CCDC80: variants seen among roughly 807,000 people sequenced by gnomAD.
The protein encoded by CCDC80 is coiled-coil domain-containing protein 80.
In CCDC80, 49 loss-of-function variants were observed where a neutral mutation model predicts 78.7. The observed-to-expected ratio is 0.62, with a 90% CI of 0.50 to 0.79. The LOEUF (loss-of-function observed/expected upper bound fraction) is 0.79, where lower values mean the gene tolerates loss of function less well. Ranked by LOEUF, CCDC80 falls within the 30% of genes least tolerant of loss-of-function variation. CCDC80 has a pLI of 0.00. For missense variants in CCDC80, 1,205 were observed against 1,198.6 expected (o/e 1.01, Z -0.08); for synonymous variants, 488 against 447.0 (o/e 1.09, Z -1.16).
In CCDC80 at chr3:112,601,551, G is replaced by A. The variant is rs1471476461; in HGVS notation, c.*3866C>T. ...AGCAAGGATGGCTGGGCATGGTGGA[G>A]CATGGCTGTGGTCCCAGCTAACTTG... is the stretch of plus-strand genomic sequence containing the variant. On this transcript the variant is annotated 3_prime_UTR_variant, in exon 8 of 8. Coordinates refer to ENST00000206423, the MANE Select transcript of CCDC80 (RefSeq NM_199511.3). The A allele has an allele frequency of 1.3e-5, 2 of 152,050 alleles. No homozygotes were observed. The highest frequency in any genetic ancestry group is 2.1e-4 in the South Asian group (1 of 4,830). 9.4% of individuals were successfully genotyped at this position (152,050 alleles called of 1,614,324 possible).
intron 7 of CCDC80, 85 bp downstream of exon 7, chr3:112,607,091 A>G: frequency 1.0e-6 from 1 of 982,814 alleles, no homozygotes; most frequent in Non-Finnish European, 1.6e-6. Context: ...CACCTTAGAG[A>G]TACACCCACT....
rs16859892 is a variant in CCDC80, at chr3:112,639,417, G to A, written c.489C>T (p.Tyr163=). The A allele has an allele frequency of 2.4e-3, 3,867 of 1,614,190 alleles. 77 individuals carry two copies. The African/African-American group carries it at 0.046, about 19-fold the overall frequency. ...TCAGCAGGCTCATCATGAGGCGGTAGTAGCCTTCCGAGGCATGAGGGGCTG... is the reference window on the plus strand; with the variant it reads ...TCAGCAGGCTCATCATGAGGCGGTAATAGCCTTCCGAGGCATGAGGGGCTG... ...VISAPHASEG[Y]YRLMMSLLKD... The change falls in exon 2 of 8, where the codon TAC becomes TAT. Residue 163 remains tyrosine, a synonymous_variant. Transcript: ENST00000206423.
In CCDC80 at chr3:112,636,315, T is replaced by TC. The variant is rs542405380; in HGVS notation, c.1878+1712_1878+1713insG. Among the ~76,000 whole-genome samples the TC allele has an allele frequency of 5.3e-3, 809 of 152,324 alleles. 2 individuals carry two copies. The highest frequency in any genetic ancestry group is 9.5e-3 in the Admixed American group (146 of 15,294). Reference sequence around the variant, plus strand: ...TAATGGGAACATTCCCATTTAAATATATGTACTCTGAGAATATCCAAGCGA... The same window carrying TC: ...TAATGGGAACATTCCCATTTAAATATCATGTACTCTGAGAATATCCAAGCGA... On this transcript the variant is annotated intron_variant, in intron 2 of 7. Coordinates refer to ENST00000206423, the MANE Select transcript of CCDC80 (RefSeq NM_199511.3).
chr3:112,637,055 G>A (rs772208032), intron 2 of CCDC80, among the ~76,000 whole-genome samples: 13 of 152,140 alleles, frequency 8.5e-5, no homozygotes, highest in Non-Finnish European at 1.6e-4. Flanking sequence ...ACTCCTGCCC[G>A]AAGCCCTCAT....
Position 112,605,732 on chromosome 3 carries a change from T to C in CCDC80, c.2538A>G (p.Pro846=). The C allele has an allele frequency of 6.2e-7, 1 of 1,614,166 alleles. No individual in the cohort carries two copies. Among genetic ancestry groups the C allele is most frequent in the Middle Eastern group, 1.6e-4 (1 of 6,062 alleles). Residue 846 remains proline (P), a synonymous_variant, in exon 8 of 8, where the codon CCA becomes CCG. Transcript: ENST00000206423. The stretch of plus-strand genomic sequence containing the variant: ...TACGAATGTCTTTCACCAAATGGGC[T>C]GGTACGTCTTCTCGCTCAACAACAG... The part of the protein sequence containing the change: ...GSSVVEREDV[P]AHLVKDIRNY...
chr3:112,639,036 C>A lies in CCDC80; in HGVS notation c.870G>T (p.Val290=). The part of the protein sequence containing the change: ...KCKASGVEGQ[V]VAEGNDGGGG... ...CTCCACCGTCATTCCCCTCCGCCAC[C>A]ACCTGGCCCTCTACACCAGAGGCCT... The change falls in exon 2 of 8, where the codon GTG becomes GTT. Residue 290 remains valine, a synonymous_variant. Transcript: ENST00000206423. 6.2e-7 allele frequency: 1 copy of A among 1,609,928 alleles called. No individual in the cohort carries two copies. The highest frequency in any genetic ancestry group is 8.5e-7 in the Non-Finnish European group (1 of 1,179,422).
rs1349327244 is a variant in CCDC80 at position 112,604,363 on chromosome 3, A to G, written c.*1054T>C. 6 of 152,220 alleles carry G rather than the reference A, an allele frequency of 3.9e-5. No homozygotes were observed. The highest frequency in any genetic ancestry group is 8.8e-5 in the Non-Finnish European group (6 of 68,038). 9.4% of individuals were successfully genotyped at this position (152,220 alleles called of 1,614,324 possible). On this transcript the variant is annotated 3_prime_UTR_variant, in exon 8 of 8. Transcript: ENST00000206423. ...TTAAGAAATTGCCACCATCACCCCC[A>G]ACCTTCAGTAACCACCACCCTGATC...
At chr3:112,610,915 C>CTTTCTTT (rs372315587) in intron 5 of CCDC80, among the ~76,000 whole-genome samples, 7 of 123,288 alleles carry the variant, frequency 5.7e-5, no homozygotes, top group African/African-American at 2.2e-4. Flanking sequence ...TTCTTTCTTT[C>CTTTCTTT]TTTTTTTTTT....
intron 5 of CCDC80, among the ~76,000 whole-genome samples, chr3:112,613,010 T>C (rs1355447148): frequency 6.6e-6 from 1 of 152,144 alleles, no homozygotes; most frequent in Admixed American, 6.5e-5. Flanking sequence ...ATAAGTAGCA[T>C]TTATTGACTA....
chr3:112,637,878 C>T, intron 2 of CCDC80, 150 bp downstream of exon 2: 3 of 1,283,570 alleles, frequency 2.3e-6, no homozygotes, highest in African/African-American at 1.5e-5. Context: ...GCCTGCTGCC[C>T]TCTTTTGCCA....
chr3:112,635,003 T>C (rs1936177665), intron 2 of CCDC80, among the ~76,000 whole-genome samples: 1 of 152,228 alleles, frequency 6.6e-6, no homozygotes, highest in African/African-American at 2.4e-5. Context: ...CCTTGCAGGA[T>C]GTGCCCTTCT....
intron 3 of CCDC80, among the ~76,000 whole-genome samples, chr3:112,621,697 C>G (rs1935872210): frequency 6.6e-6 from 1 of 152,190 alleles, no homozygotes; most frequent in Non-Finnish European, 1.5e-5. Flanking sequence ...ACCTTCACAA[C>G]TAAGGTTGCT....
In CCDC80 at chr3:112,638,775, G is replaced by A. The variant is rs545272565; in HGVS notation, c.1131C>T (p.Thr377=). ...RAVTVAARPM[T]TTAFPTTQRP... ...TCTGCGTGGTGGGAAAGGCAGTGGTGGTCATAGGTCTTGCAGCAACTGTTA... is the reference window on the plus strand; with the variant it reads ...TCTGCGTGGTGGGAAAGGCAGTGGTAGTCATAGGTCTTGCAGCAACTGTTA... The change falls in exon 2 of 8, where the codon ACC becomes ACT. Residue 377 remains threonine (T), a synonymous_variant. Transcript: ENST00000206423. 10 of 1,613,932 alleles carry A rather than the reference G, an allele frequency of 6.2e-6. No individual in the cohort carries two copies. In the South Asian group the frequency reaches 7.7e-5, roughly 12 times the overall value.
At position 112,639,790 on chromosome 3, in the gene CCDC80, G is replaced by A. The variant is rs201399279; in HGVS notation, c.116C>T (p.Pro39Leu). The A allele has an allele frequency of 6.2e-7, 1 of 1,614,162 alleles. No individual in the cohort carries two copies. The highest frequency in any genetic ancestry group is 1.3e-5 in the African/African-American group (1 of 75,020). ...IRGSHGGRKV[P>L]LVSPDSSRPA... ...CCTACTGCTGTCCGGAGAAACCAAA[G>A]GCACTTTCCGTCCTCCGTGGCTGCC... Residue 39 changes from proline (P) to leucine (L), a missense_variant, in exon 2 of 8, where the codon CCT becomes CTT. Coordinates refer to ENST00000206423, the MANE Select transcript of CCDC80 (RefSeq NM_199511.3).
At chr3:112,637,426 A>T (rs1370405933) in intron 2 of CCDC80, among the ~76,000 whole-genome samples, 1 of 152,116 alleles carries the variant, frequency 6.6e-6, no homozygotes, top group Non-Finnish European at 1.5e-5. Flanking sequence ...GGTCATACCA[A>T]CAAGGACTCT....
intron 3 of CCDC80, among the ~76,000 whole-genome samples, chr3:112,625,254 C>T (rs1488203075): frequency 6.6e-6 from 1 of 152,156 alleles, no homozygotes; most frequent in Non-Finnish European, 1.5e-5. Flanking sequence ...AGTTTGATTA[C>T]ACACATTAAT....
In CCDC80 at chr3:112,604,626, T is replaced by C. The variant is rs1436300956; in HGVS notation, c.*791A>G. The C allele has an allele frequency of 6.6e-6, 1 of 152,154 alleles. No homozygotes were observed. Among genetic ancestry groups the C allele is most frequent in the African/African-American group, 2.4e-5 (1 of 41,412 alleles). 9.4% of individuals were successfully genotyped at this position (152,154 alleles called of 1,614,324 possible). ...GTGGTCTGGAACTGATCCTGTAATATCTCCATGGTATGCCTGTGCTGTACA... is the reference window on the plus strand; with the variant it reads ...GTGGTCTGGAACTGATCCTGTAATACCTCCATGGTATGCCTGTGCTGTACA... On this transcript the variant is annotated 3_prime_UTR_variant, in exon 8 of 8. Transcript: ENST00000206423.
chr3:112,637,235 C>T (rs959399119), intron 2 of CCDC80, among the ~76,000 whole-genome samples: 2 of 152,142 alleles, frequency 1.3e-5, no homozygotes, highest in South Asian at 2.1e-4. Context: ...ACAGAGCCCC[C>T]GGAGAAACTG....
At chr3:112,618,181 G>C (rs1935790658) in intron 4 of CCDC80, among the ~76,000 whole-genome samples, 1 of 152,162 alleles carries the variant, frequency 6.6e-6, no homozygotes, top group Admixed American at 6.5e-5. Context: ...GTTTTTCATG[G>C]TTCAGAACTT....
Sources: gnomAD v4.1 joint callset for allele counts (sites outside exome capture counted in the v4.1 genomes callset) on GRCh38, gnomAD v4.1.1 for gene constraint, MANE v1.5 for transcripts, NCBI Gene and HGNC (gene_info 2026-07-23, HGNC 2026-07-21) for gene names.